Variants in C11orf65 observed in about 807,000 individuals in gnomAD.
C11orf65 encodes the protein chromosome 11 open reading frame 65.
A neutral mutation model predicts 35.3 loss-of-function variants in C11orf65; 38 were observed. The observed-to-expected ratio is 1.08, with a 90% CI of 0.83 to 1.41. C11orf65 has a LOEUF of 1.41. C11orf65 is among the 40% of genes most tolerant of loss of function. The pLI, the probability that C11orf65 is intolerant of heterozygous loss-of-function variation, is 0.00. For synonymous variants in C11orf65, 105 were observed against 114.4 expected, an observed-to-expected ratio of 0.92 and a Z score of 0.53; for missense variants, 370 against 367.1, an observed-to-expected ratio of 1.01 and a Z score of -0.06.
rs1353727389 is a variant in C11orf65, at chr11:108,405,383, T to C, written c.560+46A>G. On this transcript the variant is annotated intron_variant, in intron 6 of 8. Transcript: ENST00000393084. ...ATACCTCATTTCAAATTTGTTTTTT[T>C]CCCAAAATACTACGTATTTCCTTAG... is the stretch of plus-strand genomic sequence containing the variant. 9 of 1,588,726 alleles carry C rather than the reference T, an allele frequency of 5.7e-6. No homozygotes were observed. In the East Asian group the frequency reaches 1.8e-4, roughly 32 times the overall value.
rs576453435 is a variant in C11orf65 at position 108,442,774 on chromosome 11, C to T, written c.82-10936G>A. ...AAAATACTTTACAGACAAGCAAATG[C>T]TGAGAGATTTTGTCATCACCAGGCC... On this transcript the variant is annotated intron_variant, in intron 2 of 8. Transcript: ENST00000393084. Among the ~76,000 whole-genome samples the T allele has an allele frequency of 3.1e-3, 475 of 152,280 alleles. 1 individual carries two copies. Among genetic ancestry groups the T allele is most frequent in the African/African-American group, 0.011 (456 of 41,566 alleles).
In C11orf65 at chr11:108,345,705, A is replaced by C. The variant is rs1441452344; in HGVS notation, c.227-10413T>G. 2.1e-6 allele frequency: 3 copies of C among 1,444,050 alleles called. No homozygotes were observed. The highest frequency in any genetic ancestry group is 2.9e-5 in the African/African-American group (2 of 68,950). 89.5% of individuals were successfully genotyped at this position (1,444,050 alleles called of 1,614,324 possible). A position where few individuals can be genotyped will look rare whatever the true frequency, so the allele number is the denominator to read the frequency against. On this transcript the variant is annotated intron_variant, in intron 2 of 3. Coordinates refer to the C11orf65 transcript ENST00000524755. ...TGTGTATATTAGTTTAATTGAACAC[A>C]ATATTGAAAAATAATTATATATATT... is the stretch of plus-strand genomic sequence containing the variant.
chr11:108,334,655 T>C (rs1248493168), intron 3 of C11orf65, among the ~76,000 whole-genome samples: 1 of 152,212 alleles, frequency 6.6e-6, no homozygotes, highest in Non-Finnish European at 1.5e-5. Context: ...TTTCGCTGAA[T>C]GTTTCCTTAA....
At chr11:108,396,481 AAG>A (rs1227566248) in intron 6 of C11orf65, among the ~76,000 whole-genome samples, 1 of 152,106 alleles carries the variant, frequency 6.6e-6, no homozygotes, top group Non-Finnish European at 1.5e-5. Flanking sequence ...CTTTGTTTTC[AAG>A]AGAGTCATAG....
chr11:108,459,545 C>G (rs1462937201), intron 2 of C11orf65, among the ~76,000 whole-genome samples: 4 of 152,122 alleles, frequency 2.6e-5, no homozygotes, highest in Non-Finnish European at 5.9e-5. Flanking sequence ...TGAAATGTGT[C>G]TAGGCAAGTG....
intron 2 of C11orf65, among the ~76,000 whole-genome samples, chr11:108,374,407 A>G (rs931173668): frequency 3.9e-5 from 6 of 152,222 alleles, no homozygotes; most frequent in Non-Finnish European, 1.5e-5. Context: ...GCAAACTCCA[A>G]CAGACCTGCA....
chr11:108,320,189 G>T (rs2085101115), intron 6 of C11orf65: 3 of 711,754 alleles, frequency 4.2e-6, no homozygotes, highest in Non-Finnish European at 4.8e-6. Context: ...GCTGTGATCA[G>T]ATGTTTCCTT....
At chr11:108,445,883 T>G (rs1360045347) in intron 2 of C11orf65, among the ~76,000 whole-genome samples, 1 of 151,802 alleles carries the variant, frequency 6.6e-6, no homozygotes, top group Non-Finnish European at 1.5e-5. Context: ...AAAAAAAAAT[T>G]AGACGAATGG....
chr11:108,375,556 A>G (rs1053110002), intron 2 of C11orf65, among the ~76,000 whole-genome samples: 17 of 152,030 alleles, frequency 1.1e-4, no homozygotes, highest in Non-Finnish European at 2.1e-4. Flanking sequence ...GACCATCAAG[A>G]CTAGGAAGAA....
intron 6 of C11orf65, among the ~76,000 whole-genome samples, chr11:108,314,105 C>A (rs2084399512): frequency 6.6e-6 from 1 of 151,988 alleles, no homozygotes; most frequent in Non-Finnish European, 1.5e-5. Context: ...ACTGTATTTT[C>A]TAATGTACAG....
intron 6 of C11orf65, among the ~76,000 whole-genome samples, chr11:108,312,153 C>T (rs2084218094): frequency 6.6e-6 from 1 of 152,164 alleles, no homozygotes; most frequent in Non-Finnish European, 1.5e-5. Flanking sequence ...TATTTTTAAA[C>T]AATCCAATCT....
At chr11:108,429,109 T>TA (rs1287944433) in intron 3 of C11orf65, among the ~76,000 whole-genome samples, 1 of 151,920 alleles carries the variant, frequency 6.6e-6, no homozygotes, top group Non-Finnish European at 1.5e-5. Flanking sequence ...ATCACACCAC[T>TA]ATGCTCCAGC....
At chr11:108,377,365 A>G (rs1387394969) in intron 2 of C11orf65, among the ~76,000 whole-genome samples, 1 of 152,212 alleles carries the variant, frequency 6.6e-6, no homozygotes, top group African/African-American at 2.4e-5. Context: ...TATAAACAGA[A>G]CCAAAGACAA....
In C11orf65 at chr11:108,383,007, A is replaced by T; in HGVS notation, c.*14T>A. ...GGCTCAAAGGGCTATAACTCAGAAT[A>T]GAAATAAAGTACTTTATAGTCCATA... On this transcript the variant is annotated 3_prime_UTR_variant, in exon 9 of 9. Coordinates refer to ENST00000393084, the MANE Select transcript of C11orf65 (RefSeq NM_152587.5). The T allele has an allele frequency of 3.1e-6, 5 of 1,610,858 alleles. No individual in the cohort carries two copies. Among genetic ancestry groups the T allele is most frequent in the Non-Finnish European group, 4.2e-6 (5 of 1,179,048 alleles).
chr11:108,335,641 G>T (rs371032532), intron 2 of C11orf65, among the ~76,000 whole-genome samples: 1 of 152,108 alleles, frequency 6.6e-6, no homozygotes, highest in African/African-American at 2.4e-5. Context: ...CAGAAGTAGC[G>T]AGGGGAAACT....
In C11orf65 at chr11:108,464,321, G is replaced by A. The variant is rs112488005; in HGVS notation, c.-9-2753C>T. Among the ~76,000 whole-genome samples the A allele has an allele frequency of 9.2e-3, 1,378 of 149,030 alleles. 19 individuals are homozygous for A. The highest frequency in any genetic ancestry group is 0.031 in the African/African-American group (1,290 of 41,356). Reference sequence around the variant, plus strand: ...CTGTTTTTTGTTTGTTTTCTGAGACGGAGTCTCGCTCTGTCGCCAGGCTGG... The same window carrying A: ...CTGTTTTTTGTTTGTTTTCTGAGACAGAGTCTCGCTCTGTCGCCAGGCTGG... On this transcript the variant is annotated intron_variant, in intron 1 of 8. Coordinates refer to ENST00000393084, the MANE Select transcript of C11orf65 (RefSeq NM_152587.5).
chr11:108,325,633 C>T, intron 6 of C11orf65: 1 of 1,113,014 alleles, frequency 9.0e-7, no homozygotes. Flanking sequence ...AAAGAAATGT[C>T]ATTAAGAGAT....
intron 2 of C11orf65, among the ~76,000 whole-genome samples, chr11:108,371,856 A>C (rs2091584538): frequency 6.6e-6 from 1 of 152,204 alleles, no homozygotes; most frequent in South Asian, 2.1e-4. Flanking sequence ...CCATCAGTGC[A>C]CAAGGGTTGC....
chr11:108,434,736 G>C (rs1313668734), intron 2 of C11orf65, among the ~76,000 whole-genome samples: 1 of 152,154 alleles, frequency 6.6e-6, no homozygotes, highest in East Asian at 1.9e-4. Flanking sequence ...TTTTCTCACT[G>C]GAATTGACAT....
Sources: allele counts gnomAD v4.1 joint callset (sites outside exome capture counted in the v4.1 genomes callset), GRCh38; gene constraint gnomAD v4.1.1; transcripts MANE v1.5; gene names NCBI Gene and HGNC (gene_info 2026-07-23, HGNC 2026-07-21).